KCTD8: variants seen among roughly 807,000 people sequenced by gnomAD.
The protein encoded by KCTD8 is BTB/POZ domain-containing protein KCTD8.
KCTD8 carries 27 observed loss-of-function variants against 31.5 expected under a neutral mutation model. The ratio of observed to expected loss-of-function variants is 0.86; its 90% CI spans 0.63 to 1.18. The LOEUF (loss-of-function observed/expected upper bound fraction) is 1.18, where lower values mean the gene tolerates loss of function less well. KCTD8 is among the 50% of genes most tolerant of loss of function. The pLI is 0.00. For missense variants in KCTD8, 658 were observed against 647.7 expected, an observed-to-expected ratio of 1.02 and a Z score of -0.17; for synonymous variants, 290 against 280.0, an observed-to-expected ratio of 1.04 and a Z score of -0.36.
At chr4:44,365,710 G>T (rs1032898710) in intron 1 of KCTD8, among the ~76,000 whole-genome samples, 1 of 152,272 alleles carries the variant, frequency 6.6e-6, no homozygotes. Flanking sequence ...GGAGGGCAGA[G>T]AATTCTGTAT....
intron 1 of KCTD8, among the ~76,000 whole-genome samples, chr4:44,326,925 G>C (rs1487295320): frequency 6.6e-6 from 1 of 151,758 alleles, no homozygotes; most frequent in Non-Finnish European, 1.5e-5. Flanking sequence ...TGTTATGTAA[G>C]AAGTCATTAC....
At chr4:44,196,757 G>A (rs1294661988) in intron 1 of KCTD8, among the ~76,000 whole-genome samples, 1 of 152,184 alleles carries the variant, frequency 6.6e-6, no homozygotes, top group Non-Finnish European at 1.5e-5. Context: ...GAAATCTTGG[G>A]AACGAGAGAA....
chr4:44,406,719 C>T (rs749288198), intron 1 of KCTD8, among the ~76,000 whole-genome samples: 2 of 151,940 alleles, frequency 1.3e-5, no homozygotes, highest in Non-Finnish European at 2.9e-5. Context: ...GGAATGACAA[C>T]CTTGACCAAA....
intron 1 of KCTD8, among the ~76,000 whole-genome samples, chr4:44,339,702 G>A (rs890685754): frequency 2.0e-5 from 3 of 152,032 alleles, no homozygotes; most frequent in African/African-American, 7.2e-5. Flanking sequence ...AATAGTAAAT[G>A]TTAAAATGCT....
At chr4:44,272,835 C>T (rs1166743848) in intron 1 of KCTD8, among the ~76,000 whole-genome samples, 2 of 151,982 alleles carry the variant, frequency 1.3e-5, no homozygotes, top group African/African-American at 4.8e-5. Flanking sequence ...TGCAATGCCA[C>T]CAACACAGAG....
At chr4:44,255,618 C>CTAA (rs1715967972) in intron 1 of KCTD8, among the ~76,000 whole-genome samples, 1 of 151,706 alleles carries the variant, frequency 6.6e-6, no homozygotes, top group African/African-American at 2.4e-5. Flanking sequence ...GTTTAGAGCT[C>CTAA]TTTTTAAGAA....
At chr4:44,400,026 T>C (rs1163596348) in intron 1 of KCTD8, among the ~76,000 whole-genome samples, 2 of 152,202 alleles carry the variant, frequency 1.3e-5, no homozygotes, top group Non-Finnish European at 2.9e-5. Flanking sequence ...AACTAGATTG[T>C]CTACTATTAA....
intron 1 of KCTD8, among the ~76,000 whole-genome samples, chr4:44,325,802 A>T (rs2109409218): frequency 6.6e-6 from 1 of 152,044 alleles, no homozygotes; most frequent in African/African-American, 2.4e-5. Flanking sequence ...AAGGAGGGGT[A>T]TCCCTATCTC....
chr4:44,432,720 A>G (rs1721535728), intron 1 of KCTD8, among the ~76,000 whole-genome samples: 1 of 151,704 alleles, frequency 6.6e-6, no homozygotes, highest in South Asian at 2.1e-4. Flanking sequence ...CTCTCTATTT[A>G]TGTAACCACA....
intron 1 of KCTD8, among the ~76,000 whole-genome samples, chr4:44,181,903 C>T (rs1344927683): frequency 1.3e-5 from 2 of 150,842 alleles, no homozygotes; most frequent in Non-Finnish European, 3.0e-5. Flanking sequence ...CTGGCAGCCG[C>T]CCCATCTGAG....
At chr4:44,207,911 G>C (rs1380664983) in intron 1 of KCTD8, among the ~76,000 whole-genome samples, 1 of 152,184 alleles carries the variant, frequency 6.6e-6, no homozygotes, top group Non-Finnish European at 1.5e-5. Flanking sequence ...TTGCTGCTGA[G>C]TTGCTAGCAA....
At chr4:44,210,400 GC>G (rs1714447112) in intron 1 of KCTD8, among the ~76,000 whole-genome samples, 1 of 152,074 alleles carries the variant, frequency 6.6e-6, no homozygotes, top group South Asian at 2.1e-4. Context: ...TCTGGACAAT[GC>G]TTTTATAAAA....
intron 1 of KCTD8, among the ~76,000 whole-genome samples, chr4:44,310,673 G>A (rs1251032653): frequency 6.6e-6 from 1 of 152,012 alleles, no homozygotes; most frequent in African/African-American, 2.4e-5. Flanking sequence ...GTAAACCAGA[G>A]GAATAAAACA....
At chr4:44,431,408 C>T (rs1299224432) in intron 1 of KCTD8, among the ~76,000 whole-genome samples, 1 of 151,094 alleles carries the variant, frequency 6.6e-6, no homozygotes, top group Admixed American at 6.6e-5. Flanking sequence ...ATTTTGTTTC[C>T]CCACCTATAT....
intron 1 of KCTD8, among the ~76,000 whole-genome samples, chr4:44,315,374 A>T (rs1183659104): frequency 6.6e-6 from 1 of 152,032 alleles, no homozygotes; most frequent in African/African-American, 2.4e-5. Context: ...TTCTGTTTCT[A>T]TAGCTTAATA....
chr4:44,220,408 T>C (rs1376294617), intron 1 of KCTD8, among the ~76,000 whole-genome samples: 2 of 152,224 alleles, frequency 1.3e-5, no homozygotes, highest in Non-Finnish European at 2.9e-5. Context: ...TCACCAATAT[T>C]TGATGAGGGG....
chr4:44,244,850 G>C (rs1043239620), intron 1 of KCTD8, among the ~76,000 whole-genome samples: 8 of 91,600 alleles, frequency 8.7e-5, no homozygotes, highest in East Asian at 3.5e-4. Flanking sequence ...GTAGTTGTGG[G>C]GGGGGGGGGG....
chr4:44,372,694 A>C (rs1042037573), intron 1 of KCTD8, among the ~76,000 whole-genome samples: 4 of 152,208 alleles, frequency 2.6e-5, no homozygotes, highest in Non-Finnish European at 5.9e-5. Flanking sequence ...CTTTCAGAAA[A>C]GAAAGGTCTT....
intron 1 of KCTD8, among the ~76,000 whole-genome samples, chr4:44,392,360 A>T (rs1310155718): frequency 6.6e-6 from 1 of 152,006 alleles, no homozygotes; most frequent in African/African-American, 2.4e-5. Context: ...GCATTAAATA[A>T]ATATTAAATA....
Sources: allele counts gnomAD v4.1 joint callset (sites outside exome capture counted in the v4.1 genomes callset), GRCh38; gene constraint gnomAD v4.1.1; transcripts MANE v1.5; gene names NCBI Gene and HGNC (gene_info 2026-07-23, HGNC 2026-07-21).